PLA2G1B: variants seen among roughly 807,000 people sequenced by gnomAD.
PLA2G1B encodes phospholipase A2.
In PLA2G1B, 12 loss-of-function variants were observed where a neutral mutation model predicts 12.5. That is an observed-to-expected ratio of 0.96 (90% CI 0.62 to 1.56). PLA2G1B has a LOEUF of 1.56. Among genes scored for constraint, PLA2G1B ranks in the 40% most tolerant of loss-of-function variants. The pLI, the probability that PLA2G1B is intolerant of heterozygous loss-of-function variation, is 0.00. For synonymous variants in PLA2G1B, 81 were observed against 73.4 expected (o/e 1.10, Z -0.53); for missense variants, 189 against 186.7 (o/e 1.01, Z -0.07).
chr12:120,322,751 T>A (rs1264983047), intron 3 of PLA2G1B, among the ~76,000 whole-genome samples: 1 of 152,036 alleles, frequency 6.6e-6, no homozygotes, highest in Non-Finnish European at 1.5e-5. Flanking sequence ...CATGCCCAGC[T>A]AATTTTTGTA....
chr12:120,325,809 C>G (rs186764431), intron 2 of PLA2G1B, 52 bp downstream of exon 2: 7 of 1,581,682 alleles, frequency 4.4e-6, no homozygotes, highest in Non-Finnish European at 6.1e-6. Flanking sequence ...TGGCGTGTGC[C>G]CCACCCCGCC....
Position 120,322,159 on chromosome 12 carries a change from G to C in PLA2G1B, c.*34C>G, listed in dbSNP as rs1873247324. On this transcript the variant is annotated 3_prime_UTR_variant, in exon 4 of 4. Coordinates refer to ENST00000308366, the MANE Select transcript of PLA2G1B (RefSeq NM_000928.3). ...TATTGGAGAGTACAGTGTGAGATGAGGCAGATAGAGGTGATGCTTTTGAGA... is the reference window on the plus strand; with the variant it reads ...TATTGGAGAGTACAGTGTGAGATGACGCAGATAGAGGTGATGCTTTTGAGA... 2 of 1,609,034 alleles carry C rather than the reference G, an allele frequency of 1.2e-6. No homozygotes were observed. The highest frequency in any genetic ancestry group is 1.3e-5 in the African/African-American group (1 of 74,762).
At chr12:120,323,446 A>G (rs1003188449) in intron 3 of PLA2G1B, among the ~76,000 whole-genome samples, 1 of 152,058 alleles carries the variant, frequency 6.6e-6, no homozygotes, top group African/African-American at 2.4e-5. Context: ...TTGTATTTTT[A>G]GTAGAGATAG....
intron 1 of PLA2G1B, 190 bp from the exon 2 acceptor site, chr12:120,326,210 T>C (rs1388322332): frequency 2.2e-6 from 1 of 463,520 alleles, no homozygotes; most frequent in Non-Finnish European, 3.8e-6. Context: ...ATGAAAACTT[T>C]ATATATATAA....
chr12:120,324,066 C>T (rs1229718318), intron 3 of PLA2G1B, among the ~76,000 whole-genome samples: 2 of 152,148 alleles, frequency 1.3e-5, no homozygotes, highest in Non-Finnish European at 2.9e-5. Context: ...AATTCCAGCA[C>T]TTTGGGAGAC....
Position 120,322,169 on chromosome 12 carries a change from G to A in PLA2G1B, c.*24C>T. 1 of 1,612,528 alleles carries A rather than the reference G, an allele frequency of 6.2e-7. No homozygotes were observed. Reference sequence around the variant, plus strand: ...TACAGTGTGAGATGAGGCAGATAGAGGTGATGCTTTTGAGAGGTGATATTC... The same window carrying A: ...TACAGTGTGAGATGAGGCAGATAGAAGTGATGCTTTTGAGAGGTGATATTC... On this transcript the variant is annotated 3_prime_UTR_variant, in exon 4 of 4. Transcript: ENST00000308366.
chr12:120,324,507 A>T (rs531835284), intron 3 of PLA2G1B, among the ~76,000 whole-genome samples: 22 of 152,012 alleles, frequency 1.4e-4, no homozygotes, highest in Non-Finnish European at 2.8e-4. Flanking sequence ...CTCTACAAAA[A>T]AATTTTTTTA....
intron 2 of PLA2G1B, among the ~76,000 whole-genome samples, 190 bp from the exon 3 acceptor site, chr12:120,325,251 G>A (rs1873318365): frequency 6.6e-6 from 1 of 151,072 alleles, no homozygotes; most frequent in Non-Finnish European, 1.5e-5. Flanking sequence ...TTTTGAGACA[G>A]AGTTGCTCTG....
Position 120,327,743 on chromosome 12 carries a change from A to T in PLA2G1B, c.11T>A (p.Leu4His), listed in dbSNP as rs202237526. Residue 4 changes from leucine to histidine, a missense_variant, in exon 1 of 4, where the codon CTT (leucine) becomes CAT (histidine). By Grantham distance (99) the Leu-to-His change is moderately conservative. Coordinates refer to ENST00000308366, the MANE Select transcript of PLA2G1B (RefSeq NM_000928.3). MKL[L>H]VLAVLLTVAA... ...ACCTGTGAGCAGCACAGCTAGCACAAGGAGTTTCATCTTGCAGTCAAGGTG... is the reference window on the plus strand; with the variant it reads ...ACCTGTGAGCAGCACAGCTAGCACATGGAGTTTCATCTTGCAGTCAAGGTG... 3.1e-6 allele frequency: 5 copies of T among 1,614,024 alleles called. No homozygotes were observed. The highest frequency in any genetic ancestry group is 1.7e-6 in the Non-Finnish European group (2 of 1,179,898).
chr12:120,327,659 G>A (rs1436756403), intron 1 of PLA2G1B, 61 bp downstream of exon 1: 13 of 1,487,760 alleles, frequency 8.7e-6, no homozygotes, highest in Admixed American at 1.7e-5. Flanking sequence ...CCATTCCAGA[G>A]GAGTGAGATC....
At position 120,327,263 on chromosome 12, in the gene PLA2G1B, C is replaced by G. The variant is rs553332488; in HGVS notation, c.34+457G>C. Among the ~76,000 whole-genome samples the G allele has an allele frequency of 3.7e-4, 56 of 152,080 alleles. 1 individual carries two copies. The highest frequency in any genetic ancestry group is 1.2e-3 in the African/African-American group (51 of 41,480). Reference sequence around the variant, plus strand: ...TGATCTGAGATCACGCCACCGCACTCCAGCCTGGGCGACAGAGTGAGCCCC... The same window carrying G: ...TGATCTGAGATCACGCCACCGCACTGCAGCCTGGGCGACAGAGTGAGCCCC... On this transcript the variant is annotated intron_variant, in intron 1 of 3. Coordinates refer to ENST00000308366, the MANE Select transcript of PLA2G1B (RefSeq NM_000928.3).
In PLA2G1B at chr12:120,326,356, T is replaced by TC. The variant is rs1490995039; in HGVS notation, c.35-337_35-336insG. 5.3e-3 allele frequency among the ~76,000 whole-genome samples: 779 copies of TC among 147,652 alleles called. 12 individuals carry two copies. The highest frequency in any genetic ancestry group is 0.019 in the African/African-American group (750 of 40,344). Reference sequence around the variant, plus strand: ...GCTAGGCCTGATAGTTTTTTTTTTTTTTTTGAGATGGAGTCTTGCTCTGTT... The same window carrying TC: ...GCTAGGCCTGATAGTTTTTTTTTTTTCTTTTGAGATGGAGTCTTGCTCTGTT... On this transcript the variant is annotated intron_variant, in intron 1 of 3. Coordinates refer to ENST00000308366, the MANE Select transcript of PLA2G1B (RefSeq NM_000928.3).
intron 3 of PLA2G1B, among the ~76,000 whole-genome samples, chr12:120,324,066 C>G (rs1229718318): frequency 6.6e-6 from 1 of 152,148 alleles, no homozygotes; most frequent in Non-Finnish European, 1.5e-5. Flanking sequence ...AATTCCAGCA[C>G]TTTGGGAGAC....
In PLA2G1B at chr12:120,325,845, C is replaced by T; in HGVS notation, c.194+16G>A. The stretch of plus-strand genomic sequence containing the variant: ...CCCGGCAGGCACTCCAATTTTCCTG[C>T]AGGCGGATCACTTACTTGTCCAGTT... On this transcript the variant is annotated intron_variant, in intron 2 of 3. Transcript: ENST00000308366. The T allele has an allele frequency of 1.2e-6, 2 of 1,612,154 alleles. No individual in the cohort carries two copies. Among genetic ancestry groups the T allele is most frequent in the Non-Finnish European group, 1.7e-6 (2 of 1,178,790 alleles).
chr12:120,323,339 C>A (rs1873274446), intron 3 of PLA2G1B, among the ~76,000 whole-genome samples: 1 of 151,452 alleles, frequency 6.6e-6, no homozygotes, highest in East Asian at 1.9e-4. Flanking sequence ...GATCTCGGCT[C>A]ACTGCAACCT....
Position 120,322,239 on chromosome 12 carries a change from T to C in PLA2G1B, c.401A>G (p.Asn134Ser). 1 of 1,613,988 alleles carries C rather than the reference T, an allele frequency of 6.2e-7. No homozygotes were observed. The highest frequency in any genetic ancestry group is 8.5e-7 in the Non-Finnish European group (1 of 1,179,948). Residue 134 changes from asparagine (N) to serine (S), a missense_variant, in exon 4 of 4, where the codon AAC becomes AGC. Physicochemically the swap from Asn to Ser is conservative, Grantham distance 46. Transcript: ENST00000308366. ...AAICFSKAPY[N>S]KAHKNLDTKK... ...GGTGTCCAGGTTCTTGTGTGCCTTG[T>C]TATATGGAGCTTTTGAAAAGCAGAT...
At chr12:120,325,817 G>GC in intron 2 of PLA2G1B, 44 bp downstream of exon 2, 1 of 1,597,292 alleles carries the variant, frequency 6.3e-7, no homozygotes, top group Non-Finnish European at 8.6e-7. Context: ...GCCCCACCCC[G>GC]CCCCCGGCAG....
rs368190716 is a variant in PLA2G1B, at chr12:120,324,944, G to A, written c.312C>T (p.Ile104=). ...TYSYSCSGSA[I]TCSSKNKECE... ...AAGGGATAAACCTACTGCTACAGGTGATTGCCGAGCCAGAGCACGAGTATG... is the reference window on the plus strand; with the variant it reads ...AAGGGATAAACCTACTGCTACAGGTAATTGCCGAGCCAGAGCACGAGTATG... The change falls in exon 3 of 4, where the codon ATC becomes ATT. Residue 104 remains isoleucine, a synonymous_variant. Transcript: ENST00000308366. The A allele has an allele frequency of 8.7e-6, 14 of 1,614,022 alleles. No homozygotes were observed. In the African/African-American group the frequency reaches 1.9e-4, roughly 22 times the overall value.
At position 120,327,181 on chromosome 12, in the gene PLA2G1B, G is replaced by A. The variant is rs546115546; in HGVS notation, c.34+539C>T. Among the ~76,000 whole-genome samples the A allele has an allele frequency of 2.0e-5, 3 of 152,176 alleles. No individual in the cohort carries two copies. The South Asian group carries it at 6.2e-4, about 32-fold the overall frequency. ...AGCTACTTGAGAGCTACAAGTCCCA[G>A]CTACTTGAGAGGCTGAGGCAAGAGA... is the stretch of plus-strand genomic sequence containing the variant. On this transcript the variant is annotated intron_variant, in intron 1 of 3. Transcript: ENST00000308366.
Sources: allele counts gnomAD v4.1 joint callset (sites outside exome capture counted in the v4.1 genomes callset), GRCh38; gene constraint gnomAD v4.1.1; transcripts MANE v1.5; gene names NCBI Gene and HGNC (gene_info 2026-07-23, HGNC 2026-07-21).